The following VAC14 variants were observed in gnomAD, a reference collection of about 807,000 sequenced individuals.
VAC14 encodes the protein VAC14 component of PIKFYVE complex.
VAC14 carries 47 observed loss-of-function variants against 85.3 expected under a neutral mutation model. The observed-to-expected ratio is 0.55, with a 90% CI of 0.44 to 0.70. VAC14 has a LOEUF of 0.70. Among genes scored for constraint, VAC14 ranks in the 30% least tolerant of loss-of-function variants. The pLI is 0.00. For synonymous variants in VAC14, 447 were observed against 430.5 expected, an observed-to-expected ratio of 1.04 and a Z score of -0.47; for missense variants, 861 against 1,004.3, an observed-to-expected ratio of 0.86 and a Z score of 1.93.
At chr16:70,790,675 C>T (rs1212290750) in intron 1 of VAC14, among the ~76,000 whole-genome samples, 1 of 152,078 alleles carries the variant, frequency 6.6e-6, no homozygotes, top group African/African-American at 2.4e-5. Context: ...CCTCCCCACC[C>T]CCTCACCTTT....
chr16:70,690,017 TC>T (rs1364590268), intron 18 of VAC14: 1 of 985,294 alleles, frequency 1.0e-6, no homozygotes. Context: ...TGTGCGTTGC[TC>T]CCCATGACAC....
chr16:70,760,959 G>C (rs1159883613), intron 12 of VAC14, among the ~76,000 whole-genome samples: 1 of 129,726 alleles, frequency 7.7e-6, no homozygotes, highest in East Asian at 2.1e-4. Context: ...TGCACGAAGA[G>C]AGGGTGTGTG....
At position 70,692,887 on chromosome 16, in the gene VAC14, C is replaced by G; in HGVS notation, c.2120G>C (p.Ser707Thr). Residue 707 changes from serine (S) to threonine (T), a missense_variant, in exon 18 of 19, where the codon AGC becomes ACC. This residue lies in a region of VAC14 where 163 missense variants were observed against 162.2 expected (regional missense o/e 1.00). Coordinates refer to ENST00000261776, the MANE Select transcript of VAC14 (RefSeq NM_018052.5). ...LYGLLMLLPQ[S>T]SAFQLLSHRL... ...GTGCGAGAGCAGCTGGAAGGCGCTG[C>G]TCTGCGGCAGGAGCATGAGCAGGCC... 1 of 1,608,548 alleles carries G rather than the reference C, an allele frequency of 6.2e-7. No individual in the cohort carries two copies. Among genetic ancestry groups the G allele is most frequent in the Non-Finnish European group, 8.5e-7 (1 of 1,178,562 alleles).
intron 17 of VAC14, 76 bp from the exon 18 acceptor site, chr16:70,693,047 G>A (rs1000874733): frequency 7.3e-5 from 110 of 1,513,290 alleles, no homozygotes; most frequent in African/African-American, 1.5e-4. Context: ...GCCTGCCTCC[G>A]ACTGGCCAGG....
At chr16:70,713,508 G>C (rs953022344) in intron 14 of VAC14, among the ~76,000 whole-genome samples, 3 of 152,186 alleles carry the variant, frequency 2.0e-5, no homozygotes, top group African/African-American at 4.8e-5. Context: ...GTAGGGAAGA[G>C]CCCAGTCAAG....
At position 70,692,822 on chromosome 16, in the gene VAC14, C is replaced by G; in HGVS notation, c.2185G>C (p.Glu729Gln). The G allele has an allele frequency of 6.3e-7, 1 of 1,597,522 alleles. No individual in the cohort carries two copies. ...CAGCAGTCCCCAGCCGGCACTCACTCGGTCTGCAGCAGCTCAGGGTTGGGC... is the reference window on the plus strand; with the variant it reads ...CAGCAGTCCCCAGCCGGCACTCACTGGGTCTGCAGCAGCTCAGGGTTGGGC... Reference protein sequence around the residue: ...CVPNPELLQTEDSLKAAPKSQ... With the variant: ...CVPNPELLQTQDSLKAAPKSQ... The change falls in exon 18 of 19, where the codon GAA (glutamate) becomes CAA (glutamine). Residue 729 changes from glutamate to glutamine, a missense_variant and splice_region_variant. By Grantham distance (29) the Glu-to-Gln change is conservative. Transcript: ENST00000261776.
At chr16:70,760,964 T>G (rs111637862) in intron 12 of VAC14, among the ~76,000 whole-genome samples, 7,369 of 51,478 alleles carry the variant, frequency 0.14, 436 homozygotes, top group African/African-American at 0.26. Context: ...GAAGAGAGGG[T>G]GTGTGTGTGT....
At chr16:70,711,923 C>T (rs1445156904) in intron 14 of VAC14, among the ~76,000 whole-genome samples, 1 of 152,178 alleles carries the variant, frequency 6.6e-6, no homozygotes, top group Non-Finnish European at 1.5e-5. Flanking sequence ...TCACGGCGGC[C>T]TCTGAGAGGC....
intron 12 of VAC14, among the ~76,000 whole-genome samples, chr16:70,750,139 G>A (rs540007373): frequency 1.1e-4 from 17 of 152,288 alleles, no homozygotes; most frequent in Admixed American, 7.2e-4. Flanking sequence ...GGAAAGGCCC[G>A]AGAGCTAAAG....
At chr16:70,731,173 G>T in intron 14 of VAC14, 3 of 662,064 alleles carry the variant, frequency 4.5e-6, no homozygotes, top group Non-Finnish European at 2.0e-6. Flanking sequence ...ACGCCATCTG[G>T]CTCACCTCCT....
chr16:70,723,937 T>A (rs1254578511), intron 14 of VAC14, among the ~76,000 whole-genome samples: 10 of 152,282 alleles, frequency 6.6e-5, no homozygotes, highest in Non-Finnish European at 1.5e-5. Context: ...GACCGCTGAT[T>A]CAGTGGGAGC....
At chr16:70,760,109 A>G (rs1297673152) in intron 12 of VAC14, among the ~76,000 whole-genome samples, 1 of 152,196 alleles carries the variant, frequency 6.6e-6, no homozygotes, top group Non-Finnish European at 1.5e-5. Context: ...GGGGCTGCCT[A>G]GCTGGAAGTG....
intron 14 of VAC14, among the ~76,000 whole-genome samples, chr16:70,705,190 A>G (rs1460807783): frequency 6.6e-6 from 1 of 152,058 alleles, no homozygotes; most frequent in Non-Finnish European, 1.5e-5. Flanking sequence ...GAACCCATGC[A>G]CTCACTGGGT....
chr16:70,690,830 T>C (rs1275865643), intron 18 of VAC14: 1 of 985,470 alleles, frequency 1.0e-6, no homozygotes, highest in Non-Finnish European at 1.2e-6. Context: ...TCTGTGCCCC[T>C]ATCTATGGTA....
At chr16:70,710,602 T>C (rs943704583) in intron 14 of VAC14, among the ~76,000 whole-genome samples, 1 of 152,210 alleles carries the variant, frequency 6.6e-6, no homozygotes, top group African/African-American at 2.4e-5. Flanking sequence ...ATTCCCAAAC[T>C]AGTCCCTTTG....
At chr16:70,709,425 T>C (rs1026944981) in intron 14 of VAC14, among the ~76,000 whole-genome samples, 27 of 152,152 alleles carry the variant, frequency 1.8e-4, no homozygotes, top group African/African-American at 6.5e-4. Flanking sequence ...AAGCTTCCTG[T>C]GGCTCCGGGG....
intron 16 of VAC14, 101 bp downstream of exon 16, chr16:70,697,038 G>A (rs1273738983): frequency 1.1e-6 from 1 of 916,680 alleles, no homozygotes; most frequent in Non-Finnish European, 1.7e-6. Context: ...GGTGGGGACA[G>A]GAGCATGGCA....
At chr16:70,774,129 A>G (rs181009652) in intron 9 of VAC14, among the ~76,000 whole-genome samples, 1 of 152,286 alleles carries the variant, frequency 6.6e-6, no homozygotes, top group Non-Finnish European at 1.5e-5. Context: ...ACCATTAACT[A>G]AATGATTACC....
chr16:70,758,143 G>A (rs996466942), intron 12 of VAC14, among the ~76,000 whole-genome samples: 2 of 152,242 alleles, frequency 1.3e-5, no homozygotes, highest in African/African-American at 4.8e-5. Context: ...CATCAAGATG[G>A]CTCACAGGAC....
Sources: gnomAD v4.1 joint callset for allele counts (sites outside exome capture counted in the v4.1 genomes callset) on GRCh38, gnomAD v4.1.1 for gene constraint, gnomAD v4.1.1 regional missense constraint, MANE v1.5 for transcripts, NCBI Gene and HGNC (gene_info 2026-07-23, HGNC 2026-07-21) for gene names.